Variants in WDR70 observed in about 807,000 individuals in gnomAD.
The protein encoded by WDR70 is WD repeat-containing protein 70.
WDR70 carries 53 observed loss-of-function variants against 88.6 expected under a neutral mutation model. The observed-to-expected ratio is 0.60, with a 90% confidence interval of 0.48 to 0.75. WDR70 has a LOEUF of 0.75. Among genes scored for constraint, WDR70 ranks in the 30% least tolerant of loss-of-function variants. WDR70 has a pLI of 0.00. For synonymous variants in WDR70, 280 were observed against 270.0 expected, an observed-to-expected ratio of 1.04 and a Z score of -0.36; for missense variants, 610 against 823.2, an observed-to-expected ratio of 0.74 and a Z score of 3.17.
At chr5:37,645,854 T>C (rs1745218767) in intron 10 of WDR70, among the ~76,000 whole-genome samples, 1 of 152,246 alleles carries the variant, frequency 6.6e-6, no homozygotes, top group Non-Finnish European at 1.5e-5. Context: ...TCAGTCTATG[T>C]GTGTCTTTGT....
At chr5:37,480,241 G>A (rs1164974932) in intron 8 of WDR70, among the ~76,000 whole-genome samples, 1 of 152,146 alleles carries the variant, frequency 6.6e-6, no homozygotes, top group Admixed American at 6.5e-5. Context: ...GCATCTCTCT[G>A]TGTCTTTGCC....
intron 9 of WDR70, among the ~76,000 whole-genome samples, chr5:37,591,451 C>T (rs879756393): frequency 6.6e-5 from 10 of 151,256 alleles, no homozygotes; most frequent in Middle Eastern, 3.4e-3. Context: ...ATAACTTAGA[C>T]GAAATGGAAA....
chr5:37,559,366 T>C (rs982434370), intron 9 of WDR70, among the ~76,000 whole-genome samples: 1 of 152,222 alleles, frequency 6.6e-6, no homozygotes, highest in Non-Finnish European at 1.5e-5. Context: ...ACTCTCTCTC[T>C]TCTACCTCCT....
In WDR70 at chr5:37,753,144, G is replaced by T. The variant is rs1748860277; in HGVS notation, c.*571G>T. The T allele has an allele frequency of 6.6e-6, 1 of 152,214 alleles. No individual in the cohort carries two copies. The highest frequency in any genetic ancestry group is 1.5e-5 in the Non-Finnish European group (1 of 68,082). The allele number at this position is 152,214 out of a possible 1,614,324, so 9.4% of individuals were successfully genotyped here. On this transcript the variant is annotated 3_prime_UTR_variant, in exon 18 of 18. Transcript: ENST00000265107. Reference sequence around the variant, plus strand: ...TCATGTGGATTCAAGTCCTGGCTTTGCTCTTTACTTCTGGGTCATCTTAAG... The same window carrying T: ...TCATGTGGATTCAAGTCCTGGCTTTTCTCTTTACTTCTGGGTCATCTTAAG...
At chr5:37,663,385 A>G (rs188590173) in intron 10 of WDR70, among the ~76,000 whole-genome samples, 78 of 152,106 alleles carry the variant, frequency 5.1e-4, no homozygotes, top group African/African-American at 1.8e-3. Context: ...TCTGTTTTCT[A>G]CTCGACTATC....
intron 9 of WDR70, among the ~76,000 whole-genome samples, chr5:37,603,197 T>C (rs1243540474): frequency 6.6e-6 from 1 of 150,514 alleles, no homozygotes; most frequent in Admixed American, 6.6e-5. Context: ...ACCAAGGCAG[T>C]GATAAGCAAA....
intron 11 of WDR70, 29 bp from the exon 12 acceptor site, chr5:37,701,029 T>C: frequency 1.4e-6 from 2 of 1,437,078 alleles, no homozygotes; most frequent in Non-Finnish European, 9.8e-7. Context: ...CACTTTTCTG[T>C]CTTTTTTTTC....
chr5:37,751,744 G>A (rs1748820629), intron 17 of WDR70, among the ~76,000 whole-genome samples: 1 of 152,208 alleles, frequency 6.6e-6, no homozygotes. Flanking sequence ...AAAAGGGGCA[G>A]ACATTATAAC....
intron 5 of WDR70, among the ~76,000 whole-genome samples, chr5:37,411,684 C>T (rs918306439): frequency 2.0e-5 from 3 of 152,074 alleles, no homozygotes; most frequent in African/African-American, 7.2e-5. Context: ...TGATATCATG[C>T]CACCGTACTC....
At chr5:37,727,397 A>G (rs117139714) in intron 17 of WDR70, among the ~76,000 whole-genome samples, 4 of 152,296 alleles carry the variant, frequency 2.6e-5, no homozygotes, top group East Asian at 1.9e-4. Context: ...TAGGTCTGTT[A>G]TTATGAACTC....
chr5:37,448,748 T>TC (rs397711181), intron 7 of WDR70, among the ~76,000 whole-genome samples: 2 of 151,934 alleles, frequency 1.3e-5, no homozygotes, highest in South Asian at 2.1e-4. Flanking sequence ...TGTTTTTTTT[T>TC]CACTAATGAT....
At chr5:37,566,544 A>G (rs1581400076) in intron 9 of WDR70, among the ~76,000 whole-genome samples, 2 of 152,174 alleles carry the variant, frequency 1.3e-5, no homozygotes, top group East Asian at 3.8e-4. Flanking sequence ...TAATTATAAT[A>G]GAAATAATGT....
At chr5:37,670,007 C>T (rs1318585914) in intron 10 of WDR70, among the ~76,000 whole-genome samples, 1 of 151,890 alleles carries the variant, frequency 6.6e-6, no homozygotes. Context: ...TTGCTTAGGA[C>T]TGAAATATTA....
chr5:37,473,943 G>A (rs1375984551), intron 7 of WDR70, among the ~76,000 whole-genome samples: 1 of 151,746 alleles, frequency 6.6e-6, no homozygotes, highest in East Asian at 1.9e-4. Flanking sequence ...CAGTTTTTTT[G>A]TAATATATGC....
At chr5:37,395,265 G>A (rs978818742) in intron 4 of WDR70, among the ~76,000 whole-genome samples, 5 of 152,166 alleles carry the variant, frequency 3.3e-5, no homozygotes, top group African/African-American at 9.7e-5. Context: ...ATAGTCCTCA[G>A]GTGTGGTGGA....
chr5:37,633,666 C>A (rs373225562), intron 10 of WDR70, among the ~76,000 whole-genome samples: 1 of 151,790 alleles, frequency 6.6e-6, no homozygotes, highest in Non-Finnish European at 1.5e-5. Context: ...AAATATGTGT[C>A]GCAAAGAGGA....
intron 9 of WDR70, among the ~76,000 whole-genome samples, chr5:37,594,168 T>G (rs1205901402): frequency 6.6e-6 from 1 of 152,234 alleles, no homozygotes; most frequent in Non-Finnish European, 1.5e-5. Context: ...TTTGTCAATT[T>G]TGCCTTTTGT....
At chr5:37,386,005 G>A (rs187911782) in intron 3 of WDR70, among the ~76,000 whole-genome samples, 6,570 of 149,454 alleles carry the variant, frequency 0.044, 498 homozygotes, top group African/African-American at 0.15. Context: ...AGTAGAGACA[G>A]GGTTTCACCC....
intron 17 of WDR70, among the ~76,000 whole-genome samples, chr5:37,732,060 A>G (rs140915585): frequency 8.5e-4 from 129 of 152,286 alleles, no homozygotes; most frequent in African/African-American, 3.0e-3. Context: ...AAAGTAGTAC[A>G]TACACACAGT....
Sources: gnomAD v4.1 joint callset for allele counts (sites outside exome capture counted in the v4.1 genomes callset) on GRCh38, gnomAD v4.1.1 for gene constraint, MANE v1.5 for transcripts, NCBI Gene and HGNC (gene_info 2026-07-23, HGNC 2026-07-21) for gene names.